The following UNC80 variants were observed in gnomAD, a reference collection of about 807,000 sequenced individuals.
UNC80 encodes the protein protein unc-80 homolog.
UNC80 carries 164 observed loss-of-function variants against 384.6 expected under a neutral mutation model. The observed-to-expected ratio is 0.43, with a 90% confidence interval of 0.38 to 0.49. The LOEUF (loss-of-function observed/expected upper bound fraction) is 0.49, where lower values mean the gene tolerates loss of function less well. Among genes scored for constraint, UNC80 ranks in the 20% least tolerant of loss-of-function variants. UNC80 has a pLI of 0.00. For synonymous variants in UNC80, 1,486 were observed against 1,527.8 expected (o/e 0.97, Z 0.64); for missense variants, 3,330 against 4,143.0 (o/e 0.80, Z 5.39).
At chr2:209,804,683 A>G (rs1298623128) in intron 7 of UNC80, among the ~76,000 whole-genome samples, 7 of 151,436 alleles carry the variant, frequency 4.6e-5, no homozygotes, top group Non-Finnish European at 1.0e-4. Context: ...TAGAAGTTAT[A>G]TATATATATA....
At chr2:209,808,626 G>A (rs1294598973) in intron 7 of UNC80, among the ~76,000 whole-genome samples, 1 of 151,818 alleles carries the variant, frequency 6.6e-6, no homozygotes, top group East Asian at 1.9e-4. Flanking sequence ...GGGGAGGCAC[G>A]CCTCCAATTG....
At chr2:209,829,116 C>T in intron 14 of UNC80, 116 bp from the exon 15 acceptor site, 1 of 1,266,852 alleles carries the variant, frequency 7.9e-7, no homozygotes, top group Non-Finnish European at 1.1e-6. Flanking sequence ...TGCCTGTCAC[C>T]AGCGAGTGGG....
intron 31 of UNC80, among the ~76,000 whole-genome samples, chr2:209,915,669 G>A (rs2089460394): frequency 6.6e-6 from 1 of 152,110 alleles, no homozygotes; most frequent in Non-Finnish European, 1.5e-5. Flanking sequence ...AGTGTGAATT[G>A]TTACTAAGTT....
chr2:209,993,752 T>C (rs886380560), intron 63 of UNC80, among the ~76,000 whole-genome samples: 6 of 152,198 alleles, frequency 3.9e-5, no homozygotes, highest in Non-Finnish European at 8.8e-5. Flanking sequence ...GGTAAAGCTA[T>C]GATGAATAAT....
At chr2:209,885,303 T>G (rs528610828) in intron 25 of UNC80, among the ~76,000 whole-genome samples, 83 of 152,154 alleles carry the variant, frequency 5.5e-4, no homozygotes, top group African/African-American at 1.8e-3. Flanking sequence ...TGAAGCAAAA[T>G]GTAAGAGGGT....
intron 22 of UNC80, among the ~76,000 whole-genome samples, chr2:209,852,705 A>G (rs563534479): frequency 1.3e-5 from 2 of 152,222 alleles, no homozygotes; most frequent in African/African-American, 2.4e-5. Context: ...GATAACTGCA[A>G]TTGTTCATAC....
At chr2:209,986,313 T>C (rs533254959) in intron 61 of UNC80, among the ~76,000 whole-genome samples, 1 of 152,370 alleles carries the variant, frequency 6.6e-6, no homozygotes, top group East Asian at 1.9e-4. Flanking sequence ...GCTAGCTTTG[T>C]GCTGGGGCTT....
intron 26 of UNC80, among the ~76,000 whole-genome samples, chr2:209,890,460 A>G (rs1320465739): frequency 6.6e-6 from 1 of 152,164 alleles, no homozygotes; most frequent in East Asian, 1.9e-4. Flanking sequence ...ATTCTGTTTA[A>G]CTTTTTGCTG....
At chr2:209,821,318 T>C (rs912631879) in intron 13 of UNC80, among the ~76,000 whole-genome samples, 2 of 152,270 alleles carry the variant, frequency 1.3e-5, no homozygotes, top group African/African-American at 4.8e-5. Context: ...CATCATGACC[T>C]CACTTAACCC....
chr2:209,941,593 A>G, intron 44 of UNC80, 104 bp downstream of exon 44: 1 of 1,265,400 alleles, frequency 7.9e-7, no homozygotes, highest in South Asian at 2.2e-5. Context: ...TGGTGTTATC[A>G]TCTTCTTTTG....
chr2:209,886,129 A>G (rs2085783188), intron 25 of UNC80, among the ~76,000 whole-genome samples: 1 of 152,070 alleles, frequency 6.6e-6, no homozygotes, highest in African/African-American at 2.4e-5. Flanking sequence ...ACTTTTTAAA[A>G]ATCTTTTAAA....
At chr2:209,795,686 C>G (rs2078109404) in intron 7 of UNC80, 1 of 152,308 alleles carries the variant, frequency 6.6e-6, no homozygotes, top group African/African-American at 2.4e-5. Context: ...GGCCAATGTA[C>G]AGCTCAGGAT....
intron 29 of UNC80, among the ~76,000 whole-genome samples, chr2:209,907,077 T>C (rs894065825): frequency 7.2e-5 from 11 of 152,180 alleles, no homozygotes; most frequent in Non-Finnish European, 1.3e-4. Flanking sequence ...CTTCAAGTGT[T>C]AAGCACAGGG....
At chr2:209,810,836 TAAATC>T (rs2079292955) in intron 7 of UNC80, among the ~76,000 whole-genome samples, 1 of 152,112 alleles carries the variant, frequency 6.6e-6, no homozygotes, top group East Asian at 1.9e-4. Context: ...GCTCTTATAA[TAAATC>T]AAATGATTTT....
At chr2:209,939,687 T>G in intron 43 of UNC80, 35 bp downstream of exon 43, 2 of 1,490,524 alleles carry the variant, frequency 1.3e-6, no homozygotes, top group East Asian at 5.0e-5. Flanking sequence ...CTCTGGGGCT[T>G]TTTCTAACAC....
chr2:209,883,478 T>A (rs2085483403), intron 25 of UNC80, among the ~76,000 whole-genome samples: 1 of 145,382 alleles, frequency 6.9e-6, no homozygotes, highest in South Asian at 2.3e-4. Flanking sequence ...TTGCCCAGGC[T>A]GGAGTGCAGT....
intron 7 of UNC80, chr2:209,809,111 C>T (rs1189928463): frequency 3.7e-6 from 2 of 546,292 alleles, no homozygotes; most frequent in Non-Finnish European, 3.3e-6. Flanking sequence ...CGTTCACAGC[C>T]TTCTTCGTCT....
chr2:209,812,230 T>C (rs1293632369), intron 7 of UNC80, among the ~76,000 whole-genome samples: 3 of 150,346 alleles, frequency 2.0e-5, no homozygotes, highest in Non-Finnish European at 4.4e-5. Flanking sequence ...TTTTTTTTTT[T>C]TTTCTATTTT....
chr2:209,995,261 C>T (rs1463027171), intron 64 of UNC80, 68 bp from the exon 65 acceptor site: 1 of 1,518,886 alleles, frequency 6.6e-7, no homozygotes, highest in African/African-American at 1.4e-5. Flanking sequence ...TAGACAACAA[C>T]ATTTTTTGAT....
Sources: gnomAD v4.1 joint callset for allele counts (sites outside exome capture counted in the v4.1 genomes callset) on GRCh38, gnomAD v4.1.1 for gene constraint, MANE v1.5 for transcripts, NCBI Gene and HGNC (gene_info 2026-07-23, HGNC 2026-07-21) for gene names.